The following PLCB1 variants were observed in gnomAD, a reference collection of about 807,000 sequenced individuals.
PLCB1 encodes phospholipase C beta 1.
In PLCB1, 46 loss-of-function variants were observed where a neutral mutation model predicts 161.8. The observed-to-expected ratio is 0.28, with a 90% CI of 0.22 to 0.36. The LOEUF is 0.36. Ranked by LOEUF, PLCB1 falls within the 10% of genes least tolerant of loss-of-function variation. PLCB1 has a pLI of 1.00. For missense variants in PLCB1, 1,016 were observed against 1,472.5 expected (o/e 0.69, Z 5.07); for synonymous variants, 517 against 503.7 (o/e 1.03, Z -0.35).
At chr20:8,606,533 T>C (rs1987763215) in intron 3 of PLCB1, among the ~76,000 whole-genome samples, 1 of 152,198 alleles carries the variant, frequency 6.6e-6, no homozygotes, top group Admixed American at 6.5e-5. Flanking sequence ...ATTAGTGCCC[T>C]AATGCTACCA....
chr20:8,788,700 A>G lies in PLCB1; in HGVS notation c.3256A>G (p.Lys1086Glu), dbSNP rs1361542164. Residue 1086 changes from lysine to glutamate, a missense_variant, in exon 29 of 32, where the codon AAA becomes GAA. Lys to Glu is a moderately conservative substitution (Grantham distance 56). This residue lies in a region of PLCB1 where 398 missense variants were observed against 445.4 expected (regional missense o/e 0.89). Transcript: ENST00000338037. ...GGAGAAGATAACAGAAGCTAAATCC[A>G]AAGACAAAAGTCAGATGGAAGAGTA... is the stretch of plus-strand genomic sequence containing the variant. ...RQEKITEAKS[K>E]DKSQMEEEKT... 2 of 1,609,662 alleles carry G rather than the reference A, an allele frequency of 1.2e-6. No individual in the cohort carries two copies. The highest frequency in any genetic ancestry group is 1.7e-6 in the Non-Finnish European group (2 of 1,177,636).
intron 3 of PLCB1, among the ~76,000 whole-genome samples, chr20:8,457,849 C>G (rs1275335485): frequency 6.6e-6 from 1 of 152,138 alleles, no homozygotes; most frequent in Non-Finnish European, 1.5e-5. Context: ...TGTGGAATTT[C>G]CCTCTCTGTG....
intron 2 of PLCB1, among the ~76,000 whole-genome samples, chr20:8,266,900 A>G (rs1348162470): frequency 2.0e-5 from 3 of 152,104 alleles, no homozygotes; most frequent in Non-Finnish European, 2.9e-5. Context: ...TTAGCTGGGC[A>G]TGGTGGCAGG....
At chr20:8,270,623 T>C (rs924843900) in intron 2 of PLCB1, among the ~76,000 whole-genome samples, 1 of 152,088 alleles carries the variant, frequency 6.6e-6, no homozygotes, top group Non-Finnish European at 1.5e-5. Flanking sequence ...CTGATTAATC[T>C]GAAAAAAATA....
chr20:8,617,338 C>T (rs1305254032), intron 3 of PLCB1, among the ~76,000 whole-genome samples: 1 of 152,124 alleles, frequency 6.6e-6, no homozygotes, highest in African/African-American at 2.4e-5. Context: ...AATGAATACT[C>T]AAAACTCATC....
chr20:8,337,655 T>C (rs1372796092), intron 2 of PLCB1, among the ~76,000 whole-genome samples: 3 of 152,202 alleles, frequency 2.0e-5, no homozygotes, highest in Admixed American at 1.3e-4. Flanking sequence ...AATGATAATT[T>C]GGTGACCCTT....
chr20:8,380,553 A>G (rs1279672952), intron 3 of PLCB1, among the ~76,000 whole-genome samples: 2 of 152,186 alleles, frequency 1.3e-5, no homozygotes, highest in East Asian at 3.8e-4. Flanking sequence ...GGACATTTTC[A>G]TGATATTGAT....
intron 10 of PLCB1, among the ~76,000 whole-genome samples, chr20:8,688,215 C>T (rs932808495): frequency 9.9e-5 from 15 of 152,114 alleles, no homozygotes; most frequent in African/African-American, 3.6e-4. Context: ...TGTTTGAGTT[C>T]ATTGTAGATT....
intron 31 of PLCB1, among the ~76,000 whole-genome samples, chr20:8,838,538 C>T (rs916080747): frequency 5.3e-5 from 8 of 152,202 alleles, no homozygotes; most frequent in African/African-American, 1.9e-4. Flanking sequence ...GATAAATTCC[C>T]TGACAGAACT....
chr20:8,879,906 C>G (rs370821221), intron 31 of PLCB1, among the ~76,000 whole-genome samples: 7 of 152,194 alleles, frequency 4.6e-5, no homozygotes, highest in African/African-American at 1.7e-4. Context: ...AGGATCAAGA[C>G]AAAAAGTAGA....
intron 3 of PLCB1, among the ~76,000 whole-genome samples, chr20:8,583,473 C>T (rs945544070): frequency 6.6e-6 from 1 of 152,160 alleles, no homozygotes; most frequent in East Asian, 1.9e-4. Context: ...GGCTCTGCTT[C>T]AAGGGAATCT....
chr20:8,422,736 G>C (rs948131593), intron 3 of PLCB1, among the ~76,000 whole-genome samples: 6 of 152,134 alleles, frequency 3.9e-5, no homozygotes, highest in African/African-American at 1.4e-4. Flanking sequence ...AATAGCCATT[G>C]AGTAGGCTGG....
In PLCB1 at chr20:8,770,518, C is replaced by T. The variant is rs192582109; in HGVS notation, c.2931-4021C>T. 6.6e-5 allele frequency among the ~76,000 whole-genome samples: 10 copies of T among 152,260 alleles called. No individual in the cohort carries two copies. In the East Asian group the frequency reaches 1.9e-3, roughly 29 times the overall value. ...GGTTCAGGACATGCGCCTGTGACAG[C>T]CTCAGGAGGTCCAGATGACATGTGC... On this transcript the variant is annotated intron_variant, in intron 26 of 31. Transcript: ENST00000338037.
chr20:8,822,771 A>C (rs1985496922), intron 31 of PLCB1, among the ~76,000 whole-genome samples: 1 of 152,208 alleles, frequency 6.6e-6, no homozygotes, highest in Non-Finnish European at 1.5e-5. Context: ...AAGACTGACT[A>C]ATGAAATGAT....
In PLCB1 at chr20:8,616,985, A is replaced by C. The variant is rs1988055795; in HGVS notation, c.247-11309A>C. Among the ~76,000 whole-genome samples the C allele has an allele frequency of 3.9e-5, 6 of 152,308 alleles. No individual in the cohort carries two copies. The South Asian group carries it at 1.2e-3, about 32-fold the overall frequency. On this transcript the variant is annotated intron_variant, in intron 3 of 31. Transcript: ENST00000338037. ...ATTTATGTATCCCAGAGAAGGCCTA[A>C]GGAGAGAGATCTTGAAAGCATTCAT...
chr20:8,560,019 T>C (rs1328958887), intron 3 of PLCB1, among the ~76,000 whole-genome samples: 1 of 152,036 alleles, frequency 6.6e-6, no homozygotes, highest in Admixed American at 6.6e-5. Flanking sequence ...ATCTCAGTAA[T>C]TATAGCCCCT....
chr20:8,510,943 T>C (rs1301910111), intron 3 of PLCB1, among the ~76,000 whole-genome samples: 3 of 152,182 alleles, frequency 2.0e-5, no homozygotes, highest in African/African-American at 7.2e-5. Context: ...AATGATTAGA[T>C]CAAACTAGTT....
At chr20:8,312,525 G>A (rs985980039) in intron 2 of PLCB1, among the ~76,000 whole-genome samples, 2 of 152,060 alleles carry the variant, frequency 1.3e-5, no homozygotes, top group African/African-American at 4.8e-5. Context: ...TTAGGTGTTG[G>A]CTATGTTAAT....
chr20:8,876,002 G>A (rs965504011), intron 31 of PLCB1, among the ~76,000 whole-genome samples: 4 of 152,064 alleles, frequency 2.6e-5, no homozygotes, highest in African/African-American at 7.2e-5. Flanking sequence ...AGCATCCCAA[G>A]TACAAAAATC....
Sources: allele counts gnomAD v4.1 joint callset (sites outside exome capture counted in the v4.1 genomes callset), GRCh38; gene constraint gnomAD v4.1.1; regional missense constraint gnomAD v4.1.1; transcripts MANE v1.5; gene names NCBI Gene and HGNC (gene_info 2026-07-23, HGNC 2026-07-21).